Variants in SLC1A2 observed in about 807,000 individuals in gnomAD.
SLC1A2 encodes solute carrier family 1 member 2.
SLC1A2 carries 15 observed loss-of-function variants against 48.8 expected under a neutral mutation model. The observed-to-expected ratio is 0.31, with a 90% CI of 0.21 to 0.47. The LOEUF (loss-of-function observed/expected upper bound fraction) is 0.47. Among genes scored for constraint, SLC1A2 ranks in the 20% least tolerant of loss-of-function variants. SLC1A2 has a pLI of 0.99. For missense variants in SLC1A2, 502 were observed against 730.5 expected, an observed-to-expected ratio of 0.69 and a Z score of 3.61; for synonymous variants, 279 against 272.6, an observed-to-expected ratio of 1.02 and a Z score of -0.23.
chr11:35,254,165 T>C lies in SLC1A2; in HGVS notation c.*6729A>G, dbSNP rs1204047184. 6.6e-6 allele frequency: 1 copy of C among 152,642 alleles called. No individual in the cohort carries two copies. The highest frequency in any genetic ancestry group is 6.6e-5 in the Admixed American group (1 of 15,266). 9.5% of individuals were successfully genotyped at this position (152,642 alleles called of 1,614,324 possible). ...CAAGTTAGATTCACAGTTTGCCAGC[T>C]CTTTCCTCAAGCTGTAGAAAACAAA... On this transcript the variant is annotated 3_prime_UTR_variant, in exon 11 of 11. Transcript: ENST00000278379.
chr11:35,371,158 A>G (rs1854049224), intron 1 of SLC1A2: 1 of 712,130 alleles, frequency 1.4e-6, no homozygotes, highest in African/African-American at 1.9e-5. Flanking sequence ...AAAGCAACCT[A>G]CTTTGTCTCA....
intron 1 of SLC1A2, among the ~76,000 whole-genome samples, chr11:35,392,820 C>A (rs1003248524): frequency 2.0e-5 from 3 of 152,182 alleles, no homozygotes; most frequent in Admixed American, 6.5e-5. Flanking sequence ...ATAAATGTGG[C>A]ATGAATCTAT....
chr11:35,295,746 T>C (rs1189143790), intron 6 of SLC1A2, among the ~76,000 whole-genome samples: 1 of 152,166 alleles, frequency 6.6e-6, no homozygotes, highest in African/African-American at 2.4e-5. Flanking sequence ...CTTACTACTG[T>C]ATCCATTCTA....
At position 35,353,043 on chromosome 11, in the gene SLC1A2, CTTT is replaced by C. The variant is rs201632473; in HGVS notation, c.18-35530_18-35528del. ...CTTATGTCCTTGCTTCTAAGATAGG[CTTT>C]TTTTTTAAGATTTAACATTTCTGAA... On this transcript the variant is annotated intron_variant, in intron 1 of 10. Coordinates refer to ENST00000278379, the MANE Select transcript of SLC1A2 (RefSeq NM_004171.4). Among the ~76,000 whole-genome samples, 3 of 151,184 alleles carry C rather than the reference CTTT, an allele frequency of 2.0e-5. No individual in the cohort carries two copies. In the East Asian group the frequency reaches 5.8e-4, roughly 29 times the overall value.
intron 1 of SLC1A2, among the ~76,000 whole-genome samples, chr11:35,352,585 G>A (rs1853304331): frequency 6.6e-6 from 1 of 152,186 alleles, no homozygotes; most frequent in African/African-American, 2.4e-5. Context: ...AAAGCAGTAA[G>A]GCCCCAGTTC....
chr11:35,419,059 G>A lies in SLC1A2; in HGVS notation c.-93C>T, dbSNP rs1855700739. ...CGGGGTGAGCGCGAAGTGCGGCCGG[G>A]AGCGGTATTTAAGAGGAGCCTCTGC... On this transcript the variant is annotated 5_prime_UTR_variant, in exon 1 of 11. Coordinates refer to ENST00000278379, the MANE Select transcript of SLC1A2 (RefSeq NM_004171.4). This position sits in a 1 kb window ranked among gnomAD's most constrained non-coding sequence, Gnocchi z 5.4. 1 of 1,238,438 alleles carries A rather than the reference G, an allele frequency of 8.1e-7. No individual in the cohort carries two copies. Among genetic ancestry groups the A allele is most frequent in the South Asian group, 1.3e-5 (1 of 75,072 alleles). 76.7% of individuals were successfully genotyped at this position (1,238,438 alleles called of 1,614,324 possible).
At chr11:35,404,041 A>G (rs1465759676) in intron 1 of SLC1A2, among the ~76,000 whole-genome samples, 1 of 147,612 alleles carries the variant, frequency 6.8e-6, no homozygotes, top group Non-Finnish European at 1.5e-5. Flanking sequence ...CAAAAACACA[A>G]CGTTTTCACA....
At chr11:35,339,852 G>A (rs1281635052) in intron 1 of SLC1A2, among the ~76,000 whole-genome samples, 3 of 152,022 alleles carry the variant, frequency 2.0e-5, no homozygotes, top group South Asian at 2.1e-4. Flanking sequence ...TCAAATGAGA[G>A]GGTGACTCAC....
At chr11:35,276,057 TA>T (rs967743550) in intron 9 of SLC1A2, among the ~76,000 whole-genome samples, 22 of 152,216 alleles carry the variant, frequency 1.4e-4, no homozygotes, top group African/African-American at 5.3e-4. Flanking sequence ...CTTTTCCTCT[TA>T]AAAGGAATGC....
At chr11:35,382,352 T>A (rs555577158) in intron 1 of SLC1A2, among the ~76,000 whole-genome samples, 3 of 152,228 alleles carry the variant, frequency 2.0e-5, no homozygotes, top group Non-Finnish European at 2.9e-5. Flanking sequence ...TGATTGCCCA[T>A]CATTCCATAG....
intron 1 of SLC1A2, among the ~76,000 whole-genome samples, chr11:35,366,212 C>T (rs1041721431): frequency 1.3e-5 from 2 of 152,202 alleles, no homozygotes; most frequent in African/African-American, 2.4e-5. Flanking sequence ...TCCCTGAAGA[C>T]GTCCTTTGCC....
At chr11:35,375,905 C>T (rs1181450139) in intron 1 of SLC1A2, among the ~76,000 whole-genome samples, 1 of 152,166 alleles carries the variant, frequency 6.6e-6, no homozygotes, top group Non-Finnish European at 1.5e-5. Flanking sequence ...ACTAGGACAT[C>T]AAGGCACAGA....
At chr11:35,261,406 G>A (rs1290573743) in intron 10 of SLC1A2, among the ~76,000 whole-genome samples, 2 of 152,198 alleles carry the variant, frequency 1.3e-5, no homozygotes, top group East Asian at 3.8e-4. Flanking sequence ...TGGCATACGT[G>A]TCTAATTTTT....
At chr11:35,419,861 GCGCTCCC>G (rs1389657604), upstream of SLC1A2, 1 of 440,188 alleles carries the variant, frequency 2.3e-6, no homozygotes, top group African/African-American at 2.0e-5. This position sits in a 1 kb window ranked among gnomAD's most constrained non-coding sequence, Gnocchi z 5.4. Flanking sequence ...GCAGCCCCTG[GCGCTCCC>G]TCCTCACTCC....
At chr11:35,289,722 C>A (rs929927992) in intron 7 of SLC1A2, among the ~76,000 whole-genome samples, 1 of 152,086 alleles carries the variant, frequency 6.6e-6, no homozygotes, top group Non-Finnish European at 1.5e-5. Context: ...AGAAGCTATT[C>A]CTAAGCAAAA....
chr11:35,353,420 G>A (rs903814020), intron 1 of SLC1A2, among the ~76,000 whole-genome samples: 5 of 53,442 alleles, frequency 9.4e-5, no homozygotes, highest in Admixed American at 6.6e-4. Flanking sequence ...AACTGAAAAA[G>A]TCTAACTCCC....
rs911785352 is a variant in SLC1A2, at chr11:35,261,974, T to A, written c.1654-1009A>T. Reference sequence around the variant, plus strand: ...TTTTTCAGAAAAACAGACCATGCAATTAGCAATGACTGCTCCACATGCAGT... The same window carrying A: ...TTTTTCAGAAAAACAGACCATGCAAATAGCAATGACTGCTCCACATGCAGT... On this transcript the variant is annotated intron_variant, in intron 10 of 10. Coordinates refer to ENST00000278379, the MANE Select transcript of SLC1A2 (RefSeq NM_004171.4). The A allele has an allele frequency of 4.5e-4, 168 of 372,826 alleles. 2 individuals carry two copies. In the Middle Eastern group the frequency reaches 4.8e-3, roughly 11 times the overall value. The allele number at this position is 372,826 out of a possible 1,614,324, so 23.1% of individuals were successfully genotyped here. A position where few individuals can be genotyped will look rare whatever the true frequency, so the allele number is the denominator to read the frequency against.
At chr11:35,299,222 C>T (rs3847606) in intron 6 of SLC1A2, 85,062 of 151,876 alleles carry the variant, frequency 0.56, 25,789 homozygotes, top group East Asian at 0.74. Context: ...ACCTGTAATC[C>T]CAGCTACTTG....
chr11:35,409,072 T>C (rs1855384284), intron 1 of SLC1A2, among the ~76,000 whole-genome samples: 1 of 152,220 alleles, frequency 6.6e-6, no homozygotes, highest in Non-Finnish European at 1.5e-5. Context: ...AGTCAACTGA[T>C]GCAAGAAAAT....
Sources: allele counts gnomAD v4.1 joint callset (sites outside exome capture counted in the v4.1 genomes callset), GRCh38; gene constraint gnomAD v4.1.1; non-coding constraint Gnocchi (gnomAD v3.1); transcripts MANE v1.5; gene names NCBI Gene and HGNC (gene_info 2026-07-23, HGNC 2026-07-21).